RYR2: variants seen among roughly 807,000 people sequenced by gnomAD.
RYR2 encodes the protein ryanodine receptor 2, also known as cardiac muscle ryanodine receptor-calcium release channel.
In RYR2, 227 loss-of-function variants were observed where a neutral mutation model predicts 601.1. That is an observed-to-expected ratio of 0.38 (90% CI 0.34 to 0.42). The LOEUF (loss-of-function observed/expected upper bound fraction) is 0.42, where lower values mean the gene tolerates loss of function less well. RYR2 is among the 10% of genes least tolerant of loss of function. The pLI, the probability that RYR2 is intolerant of heterozygous loss-of-function variation, is 1.00. For synonymous variants in RYR2, 2,223 were observed against 2,175.1 expected (o/e 1.02, Z -0.61); for missense variants, 4,646 against 6,156.5 (o/e 0.75, Z 8.21).
chr1:237,558,880 C>A (rs891743288), intron 27 of RYR2, among the ~76,000 whole-genome samples: 1 of 152,072 alleles, frequency 6.6e-6, no homozygotes, highest in African/African-American at 2.4e-5. Flanking sequence ...TGTTGTTGAG[C>A]CCTCTGATGT....
chr1:237,320,948 C>T (rs1394215924), intron 2 of RYR2, among the ~76,000 whole-genome samples: 1 of 140,970 alleles, frequency 7.1e-6, no homozygotes, highest in African/African-American at 2.7e-5. Context: ...TTAGAGCAGG[C>T]TCACTGTCAC....
intron 24 of RYR2, among the ~76,000 whole-genome samples, chr1:237,514,444 C>A (rs1666219463): frequency 1.3e-5 from 2 of 152,172 alleles, no homozygotes; most frequent in South Asian, 4.1e-4. Flanking sequence ...TCTTCACAAG[C>A]AAATGCTTAA....
At chr1:237,640,812 T>A in intron 46 of RYR2, 85 bp from the exon 47 acceptor site, 2 of 1,032,340 alleles carry the variant, frequency 1.9e-6, no homozygotes, top group Non-Finnish European at 1.5e-6. Flanking sequence ...TACCTAGTAG[T>A]CCCTTTCCTC....
At chr1:237,679,275 G>A (rs941312221) in intron 61 of RYR2, among the ~76,000 whole-genome samples, 1 of 152,098 alleles carries the variant, frequency 6.6e-6, no homozygotes, top group African/African-American at 2.4e-5. Flanking sequence ...CGGTGCATCT[G>A]TTTACAGATG....
intron 45 of RYR2, 146 bp downstream of exon 45, chr1:237,638,638 A>C: frequency 1.1e-6 from 1 of 884,334 alleles, no homozygotes; most frequent in South Asian, 1.9e-5. Context: ...CACAGTAACC[A>C]CTTATAATAC....
At chr1:237,103,863 C>G (rs1668388843) in intron 1 of RYR2, among the ~76,000 whole-genome samples, 1 of 152,172 alleles carries the variant, frequency 6.6e-6, no homozygotes, top group African/African-American at 2.4e-5. Flanking sequence ...GCCACCGCGG[C>G]CAGCCCCTGT....
rs182570582 is a variant in RYR2 at position 237,610,259 on chromosome 1, C to T, written c.4684-503C>T. On this transcript the variant is annotated intron_variant, in intron 35 of 104. Transcript: ENST00000366574. The surrounding 1 kb of genome is among the most constrained non-coding windows in gnomAD (Gnocchi z 4.9). ...GCCTAACATATTCTGTTTTCTTATT[C>T]GGTAGTCAGGTTTATCTGTTGAGCT... is the stretch of plus-strand genomic sequence containing the variant. Among the ~76,000 whole-genome samples, 10 of 152,220 alleles carry T rather than the reference C, an allele frequency of 6.6e-5. No homozygotes were observed. Among genetic ancestry groups the T allele is most frequent in the East Asian group, 1.9e-4 (1 of 5,184 alleles).
chr1:237,673,334 CA>C (rs1229490536), intron 58 of RYR2, among the ~76,000 whole-genome samples: 2 of 151,870 alleles, frequency 1.3e-5, no homozygotes, highest in Non-Finnish European at 2.9e-5. Context: ...ATAATTTTTG[CA>C]AAATTTTAAC....
At chr1:237,538,073 G>C (rs1407367755) in intron 25 of RYR2, among the ~76,000 whole-genome samples, 1 of 152,058 alleles carries the variant, frequency 6.6e-6, no homozygotes, top group African/African-American at 2.4e-5. Flanking sequence ...GAAAAGAGGA[G>C]ATAGGAGGAA....
chr1:237,677,403 C>T (rs1330760535), intron 60 of RYR2, among the ~76,000 whole-genome samples: 1 of 152,126 alleles, frequency 6.6e-6, no homozygotes, highest in Non-Finnish European at 1.5e-5. Flanking sequence ...CAATTCTTGA[C>T]CTTGGTAAAC....
intron 1 of RYR2, among the ~76,000 whole-genome samples, chr1:237,192,608 C>A (rs1680098480): frequency 6.6e-6 from 1 of 152,130 alleles, no homozygotes; most frequent in Non-Finnish European, 1.5e-5. Context: ...TACTAGTAGG[C>A]CAATTAATTA....
In RYR2 at chr1:237,731,702, A is replaced by G. The variant is rs949567525; in HGVS notation, c.10936-344A>G. Among the ~76,000 whole-genome samples, 4 of 152,282 alleles carry G rather than the reference A, an allele frequency of 2.6e-5. No individual in the cohort carries two copies. The East Asian group carries it at 7.7e-4, about 29-fold the overall frequency. ...TATTAATTTTTGGTCAAATTATTAAATATCTCTGTTTTGAGCTGCATAATT... is the reference window on the plus strand; with the variant it reads ...TATTAATTTTTGGTCAAATTATTAAGTATCTCTGTTTTGAGCTGCATAATT... On this transcript the variant is annotated intron_variant, in intron 77 of 104. Coordinates refer to ENST00000366574, the MANE Select transcript of RYR2 (RefSeq NM_001035.3).
intron 52 of RYR2, among the ~76,000 whole-genome samples, chr1:237,654,941 A>C (rs1683097572): frequency 6.6e-6 from 1 of 152,242 alleles, no homozygotes; most frequent in Non-Finnish European, 1.5e-5. Flanking sequence ...GATGACTGAC[A>C]GGTGTTGATC....
In RYR2 at chr1:237,777,149, G is replaced by A. The variant is rs74149924; in HGVS notation, c.11776-1517G>A. On this transcript the variant is annotated intron_variant, in intron 87 of 104. Coordinates refer to ENST00000366574, the MANE Select transcript of RYR2 (RefSeq NM_001035.3). ...TGGTGTAAGGGGATGCAGAAGTAAC[G>A]AAATGGAGAGGCTCAGCACACGGAG... Among the ~76,000 whole-genome samples, 703 of 152,238 alleles carry A rather than the reference G, an allele frequency of 4.6e-3. 3 individuals carry two copies. Among genetic ancestry groups the A allele is most frequent in the African/African-American group, 0.016 (672 of 41,546 alleles).
intron 66 of RYR2, among the ~76,000 whole-genome samples, chr1:237,704,736 CAA>C (rs141169787): frequency 3.4e-5 from 5 of 146,636 alleles, no homozygotes; most frequent in Non-Finnish European, 7.5e-5. Flanking sequence ...ATTGGGGAAA[CAA>C]AAAAAAATTC....
At chr1:237,503,228 G>T in intron 21 of RYR2, 61 bp from the exon 22 acceptor site, 2 of 1,446,120 alleles carry the variant, frequency 1.4e-6, no homozygotes, top group Non-Finnish European at 9.4e-7. Flanking sequence ...AAGATTTTGT[G>T]AATTAGAAAA....
intron 101 of RYR2, among the ~76,000 whole-genome samples, chr1:237,826,959 C>T (rs2102907842): frequency 6.6e-6 from 1 of 152,292 alleles, no homozygotes. Flanking sequence ...ACTAGCTCTT[C>T]CTTTTACTTC....
chr1:237,205,355 G>A (rs960297651), intron 1 of RYR2, among the ~76,000 whole-genome samples: 7 of 152,154 alleles, frequency 4.6e-5, no homozygotes, highest in African/African-American at 1.2e-4. Context: ...TGCCTGCCAC[G>A]AAATGCTCTC....
chr1:237,826,913 A>C (rs1034502798), intron 101 of RYR2, among the ~76,000 whole-genome samples: 7 of 152,202 alleles, frequency 4.6e-5, no homozygotes, highest in Admixed American at 4.6e-4. Flanking sequence ...GGCAATCTGC[A>C]TCCAGACCCC....
Sources: gnomAD v4.1 joint callset for allele counts (sites outside exome capture counted in the v4.1 genomes callset) on GRCh38, gnomAD v4.1.1 for gene constraint, Gnocchi (gnomAD v3.1) non-coding constraint, MANE v1.5 for transcripts, NCBI Gene and HGNC (gene_info 2026-07-23, HGNC 2026-07-21) for gene names.